The following CLIP1 variants were observed in gnomAD, a reference collection of about 807,000 sequenced individuals.
CLIP1 encodes CAP-Gly domain-containing linker protein 1.
In CLIP1, 66 loss-of-function variants were observed where a neutral mutation model predicts 161.6. The observed-to-expected ratio is 0.41, with a 90% CI of 0.33 to 0.50. CLIP1 has a LOEUF of 0.50. Among genes scored for constraint, CLIP1 ranks in the 20% least tolerant of loss-of-function variants. CLIP1 has a pLI of 0.27. For missense variants in CLIP1, 1,376 were observed against 1,702.0 expected (o/e 0.81, Z 3.37); for synonymous variants, 598 against 626.2 (o/e 0.96, Z 0.67).
intron 11 of CLIP1, 94 bp from the exon 12 acceptor site, chr12:122,336,842 T>G: frequency 1.9e-6 from 1 of 534,828 alleles, no homozygotes; most frequent in East Asian, 3.1e-5. Context: ...AAAAAACTTA[T>G]GAGAAACATA....
intron 15 of CLIP1, 107 bp from the exon 16 acceptor site, chr12:122,328,533 G>A (rs1951799783): frequency 4.6e-6 from 3 of 656,442 alleles, no homozygotes; most frequent in African/African-American, 3.8e-5. Context: ...CAAAAGTTAT[G>A]TGTAATTAAT....
chr12:122,328,487 A>G, intron 15 of CLIP1, 61 bp from the exon 16 acceptor site: 1 of 939,236 alleles, frequency 1.1e-6, no homozygotes, highest in Non-Finnish European at 1.5e-6. Context: ...AATTTAAGTT[A>G]TATTAAAATA....
rs138611474 is a variant in CLIP1 at position 122,392,261 on chromosome 12, C to G, written c.-106-11703G>C. The stretch of plus-strand genomic sequence containing the variant: ...ACTCCAGCCTGGGCAATAGAACGAG[C>G]CCCATCTCTAAAAACAAAACAAAAG... On this transcript the variant is annotated intron_variant, in intron 1 of 25. Transcript: ENST00000620786. Among the ~76,000 whole-genome samples, 496 of 152,242 alleles carry G rather than the reference C, an allele frequency of 3.3e-3. 2 individuals are homozygous for G. Among genetic ancestry groups the G allele is most frequent in the African/African-American group, 0.011 (470 of 41,546 alleles).
intron 12 of CLIP1, 38 bp downstream of exon 12, chr12:122,336,594 C>T (rs780602625): frequency 1.9e-6 from 2 of 1,059,448 alleles, no homozygotes. Flanking sequence ...AGGAAATGGC[C>T]AGAAACCCTG....
At chr12:122,414,563 C>T (rs1024128009) in intron 1 of CLIP1, among the ~76,000 whole-genome samples, 30 of 151,638 alleles carry the variant, frequency 2.0e-4, no homozygotes, top group African/African-American at 7.3e-4. Context: ...CTCAAAGGTT[C>T]AAGTGATTCT....
At chr12:122,364,492 C>T (rs1393668500) in intron 3 of CLIP1, among the ~76,000 whole-genome samples, 1 of 151,682 alleles carries the variant, frequency 6.6e-6, no homozygotes, top group East Asian at 1.9e-4. Context: ...CAACCTTGAC[C>T]TCCCGGGCTA....
chr12:122,350,805 T>C (rs756288140), intron 9 of CLIP1, among the ~76,000 whole-genome samples: 2 of 151,584 alleles, frequency 1.3e-5, no homozygotes, highest in African/African-American at 2.4e-5. Flanking sequence ...GAAGACATTA[T>C]GAATTAGGTG....
chr12:122,335,359 G>A (rs919846959), intron 12 of CLIP1, among the ~76,000 whole-genome samples: 2 of 152,010 alleles, frequency 1.3e-5, no homozygotes, highest in Middle Eastern at 6.8e-3. Flanking sequence ...CCCACAGGCT[G>A]CCCCCTGTGC....
chr12:122,384,581 G>A (rs1189687776), intron 1 of CLIP1, among the ~76,000 whole-genome samples: 2 of 151,878 alleles, frequency 1.3e-5, no homozygotes, highest in Non-Finnish European at 2.9e-5. Context: ...GGCCAACATG[G>A]TGAAACCCCG....
chr12:122,294,039 A>C (rs1950367652), intron 20 of CLIP1, among the ~76,000 whole-genome samples: 2 of 151,942 alleles, frequency 1.3e-5, no homozygotes, highest in Admixed American at 1.3e-4. Flanking sequence ...TCACGAATTC[A>C]AAACAACTTT....
At chr12:122,315,827 G>A (rs1368432534) in intron 19 of CLIP1, among the ~76,000 whole-genome samples, 3 of 151,722 alleles carry the variant, frequency 2.0e-5, no homozygotes, top group Non-Finnish European at 4.4e-5. Flanking sequence ...ATTTTTAGTA[G>A]AGACGGGGTT....
In CLIP1 at chr12:122,393,979, G is replaced by A. The variant is rs73405841; in HGVS notation, c.-106-13421C>T. On this transcript the variant is annotated intron_variant, in intron 1 of 25. Transcript: ENST00000620786. ...GAAAATAGGGACATGTGACTGTTTCGGAGGGGGAAAAACAGAGAACACACA... is the reference window on the plus strand; with the variant it reads ...GAAAATAGGGACATGTGACTGTTTCAGAGGGGGAAAAACAGAGAACACACA... Among the ~76,000 whole-genome samples the A allele has an allele frequency of 3.6e-3, 536 of 149,398 alleles. 6 individuals carry two copies. Among genetic ancestry groups the A allele is most frequent in the African/African-American group, 0.012 (503 of 40,896 alleles).
chr12:122,278,718 G>A (rs1955529950), intron 23 of CLIP1, 74 bp downstream of exon 23: 1 of 1,453,062 alleles, frequency 6.9e-7, no homozygotes, highest in Non-Finnish European at 9.2e-7. Context: ...TGTCTTCGAA[G>A]AGCATCTCTA....
rs1447833477 is a variant in CLIP1 at position 122,416,437 on chromosome 12, C to G, written c.-107+6084G>C. Among the ~76,000 whole-genome samples, 4 of 152,214 alleles carry G rather than the reference C, an allele frequency of 2.6e-5. No individual in the cohort carries two copies. The East Asian group carries it at 5.8e-4, about 22-fold the overall frequency. On this transcript the variant is annotated intron_variant, in intron 1 of 25. Coordinates refer to ENST00000620786, the MANE Select transcript of CLIP1 (RefSeq NM_001247997.2). ...GAAATTCTTTGAGCCTCATTTTCCCCCATATCTTTATCTTCATCAAAATCA... is the reference window on the plus strand; with the variant it reads ...GAAATTCTTTGAGCCTCATTTTCCCGCATATCTTTATCTTCATCAAAATCA...
rs1177105329 is a variant in CLIP1, at chr12:122,379,943, TTAA to T, written c.85+422_85+424del. On this transcript the variant is annotated intron_variant, in intron 2 of 25. Coordinates refer to ENST00000620786, the MANE Select transcript of CLIP1 (RefSeq NM_001247997.2). ...TGGGGAATAGAGCAAGACTCCATCT[TTAA>T]AAAAAAAAAAAAAAAATGCAAGGCA... is the stretch of plus-strand genomic sequence containing the variant. 4.5e-4 allele frequency among the ~76,000 whole-genome samples: 32 copies of T among 70,412 alleles called. 4 individuals carry two copies. In the South Asian group the frequency reaches 0.017, roughly 37 times the overall value. 46.2% of individuals were successfully genotyped at this position (70,412 alleles called of 152,430 possible).
chr12:122,338,164 C>A (rs1952331284), intron 11 of CLIP1, among the ~76,000 whole-genome samples: 2 of 150,770 alleles, frequency 1.3e-5, no homozygotes, highest in African/African-American at 4.9e-5. Flanking sequence ...GTGGTGAAAT[C>A]CTGTCTCTAC....
intron 14 of CLIP1, among the ~76,000 whole-genome samples, chr12:122,333,537 G>C (rs901546890): frequency 1.3e-5 from 2 of 152,226 alleles, no homozygotes; most frequent in Non-Finnish European, 2.9e-5. Flanking sequence ...GGAATGAACA[G>C]GGGAAGGGGG....
chr12:122,351,108 T>C lies in CLIP1; in HGVS notation c.1401+3A>G. ...ATATCCACACAGTTAAGTGCCCTCT[T>C]ACATTCTCAGGATCTTCAGAAATCT... On this transcript the variant is annotated splice_donor_region_variant and intron_variant, in intron 9 of 25. Transcript: ENST00000620786. The C allele has an allele frequency of 1.1e-5, 17 of 1,538,084 alleles. No individual in the cohort carries two copies. Among genetic ancestry groups the C allele is most frequent in the African/African-American group, 2.7e-5 (2 of 73,392 alleles).
chr12:122,300,651 G>A (rs571447308), intron 20 of CLIP1, among the ~76,000 whole-genome samples: 8 of 152,168 alleles, frequency 5.3e-5, no homozygotes, highest in Non-Finnish European at 8.8e-5. Flanking sequence ...TGCAACCTCC[G>A]CCTCCTGGGT....
Sources: allele counts gnomAD v4.1 joint callset (sites outside exome capture counted in the v4.1 genomes callset), GRCh38; gene constraint gnomAD v4.1.1; transcripts MANE v1.5; gene names NCBI Gene and HGNC (gene_info 2026-07-23, HGNC 2026-07-21).